ZCCHC24: variants seen among roughly 807,000 people sequenced by gnomAD.
ZCCHC24 encodes zinc finger CCHC-type containing 24.
A neutral mutation model predicts 26.2 loss-of-function variants in ZCCHC24; 10 were observed. The ratio of observed to expected loss-of-function variants is 0.38; its 90% CI spans 0.24 to 0.65. The LOEUF (loss-of-function observed/expected upper bound fraction) is 0.65. Ranked by LOEUF, ZCCHC24 falls within the 30% of genes least tolerant of loss-of-function variation. The pLI is 0.54. For missense variants in ZCCHC24, 243 were observed against 329.1 expected, an observed-to-expected ratio of 0.74 and a Z score of 2.03; for synonymous variants, 144 against 147.1, an observed-to-expected ratio of 0.98 and a Z score of 0.15.
At chr10:79,398,842 A>T (rs1856589110) in intron 2 of ZCCHC24, among the ~76,000 whole-genome samples, 1 of 152,032 alleles carries the variant, frequency 6.6e-6, no homozygotes, top group Non-Finnish European at 1.5e-5. Context: ...GGGGCAGGGG[A>T]CATTATCAAC....
intron 3 of ZCCHC24, 31 bp from the exon 4 acceptor site, chr10:79,386,489 G>A (rs1480030050): frequency 2.0e-6 from 3 of 1,532,498 alleles, no homozygotes; most frequent in Admixed American, 3.7e-5. Context: ...GGGCCCAGGG[G>A]AGTGAGGGGA....
intron 2 of ZCCHC24, among the ~76,000 whole-genome samples, chr10:79,425,256 C>T (rs1857010663): frequency 6.6e-6 from 1 of 152,216 alleles, no homozygotes; most frequent in South Asian, 2.1e-4. Context: ...GCAGGCCCAG[C>T]AGATATCAAC....
chr10:79,415,163 T>C (rs1020514072), intron 2 of ZCCHC24, among the ~76,000 whole-genome samples: 10 of 152,298 alleles, frequency 6.6e-5, no homozygotes, highest in African/African-American at 1.2e-4. Flanking sequence ...CGTCCTCCCA[T>C]TGACATGCTC....
chr10:79,423,752 T>C (rs1273205588), intron 2 of ZCCHC24, among the ~76,000 whole-genome samples: 1 of 150,790 alleles, frequency 6.6e-6, no homozygotes, highest in East Asian at 2.0e-4. Flanking sequence ...GTGCAGTTGC[T>C]CCCGCCTATA....
chr10:79,445,465 C>A lies in ZCCHC24; in HGVS notation c.-25G>T. On this transcript the variant is annotated 5_prime_UTR_variant, in exon 1 of 4. Transcript: ENST00000372336. Reference sequence around the variant, plus strand: ...TTTTGTGGCGGCGGTGCCGGCCCCTCCCCGGCCGCCCGCTCGCGGCCCCCC... The same window carrying A: ...TTTTGTGGCGGCGGTGCCGGCCCCTACCCGGCCGCCCGCTCGCGGCCCCCC... 1.5e-6 allele frequency: 2 copies of A among 1,360,422 alleles called. No homozygotes were observed. The highest frequency in any genetic ancestry group is 1.9e-6 in the Non-Finnish European group (2 of 1,048,384). The allele number at this position is 1,360,422 out of a possible 1,614,324, so 84.3% of individuals were successfully genotyped here.
intron 1 of ZCCHC24, among the ~76,000 whole-genome samples, chr10:79,440,249 C>T (rs957701806): frequency 1.3e-5 from 2 of 152,322 alleles, no homozygotes; most frequent in African/African-American, 2.4e-5. Flanking sequence ...GGATGCTGCA[C>T]ACAGACTAGG....
At chr10:79,416,326 C>T (rs1856859142) in intron 2 of ZCCHC24, among the ~76,000 whole-genome samples, 1 of 152,212 alleles carries the variant, frequency 6.6e-6, no homozygotes, top group Non-Finnish European at 1.5e-5. Context: ...AAACTCCTCA[C>T]CTATGGCTGG....
chr10:79,397,393 G>C (rs916903810), intron 2 of ZCCHC24, among the ~76,000 whole-genome samples: 31 of 152,176 alleles, frequency 2.0e-4, no homozygotes, highest in African/African-American at 7.0e-4. Context: ...AGGGGTCAAC[G>C]TGTGCCTCTG....
At chr10:79,388,076 G>A (rs1856425440) in intron 3 of ZCCHC24, among the ~76,000 whole-genome samples, 1 of 152,186 alleles carries the variant, frequency 6.6e-6, no homozygotes, top group Non-Finnish European at 1.5e-5. Context: ...TGCCGGCTCT[G>A]CTACCTAAGA....
chr10:79,394,660 A>G (rs1023305483), intron 2 of ZCCHC24: 3 of 983,818 alleles, frequency 3.0e-6, no homozygotes, highest in Admixed American at 1.2e-4. Context: ...GAGATGGTGA[A>G]AAAACAGAGG....
At chr10:79,431,217 G>A (rs1311986898) in intron 2 of ZCCHC24, among the ~76,000 whole-genome samples, 1 of 152,198 alleles carries the variant, frequency 6.6e-6, no homozygotes, top group Non-Finnish European at 1.5e-5. Flanking sequence ...GCTATGGACT[G>A]CACAGGCCAT....
At chr10:79,393,676 A>G (rs1856506542) in intron 3 of ZCCHC24, among the ~76,000 whole-genome samples, 1 of 152,106 alleles carries the variant, frequency 6.6e-6, no homozygotes, top group Non-Finnish European at 1.5e-5. Flanking sequence ...CTCTACCCCA[A>G]GCCTCTTGCT....
Position 79,390,579 on chromosome 10 carries a change from G to A in ZCCHC24, c.612+3697C>T, listed in dbSNP as rs578125685. The stretch of plus-strand genomic sequence containing the variant: ...TGGTGGGAGTTCCCTCTGTGGGCAC[G>A]GGCTCTGGCTCGACTGCTCAGCCCT... On this transcript the variant is annotated intron_variant, in intron 3 of 3. Coordinates refer to ENST00000372336, the MANE Select transcript of ZCCHC24 (RefSeq NM_153367.4). Among the ~76,000 whole-genome samples, 346 of 152,352 alleles carry A rather than the reference G, an allele frequency of 2.3e-3. 2 individuals are homozygous for A. Among genetic ancestry groups the A allele is most frequent in the African/African-American group, 3.8e-3 (156 of 41,582 alleles).
chr10:79,396,759 T>C (rs1856552512), intron 2 of ZCCHC24, among the ~76,000 whole-genome samples: 1 of 152,242 alleles, frequency 6.6e-6, no homozygotes, highest in Admixed American at 6.5e-5. Flanking sequence ...CCATAGTAAC[T>C]TTCCTTGGGG....
At chr10:79,390,633 G>C (rs534162881) in intron 3 of ZCCHC24, among the ~76,000 whole-genome samples, 1 of 152,340 alleles carries the variant, frequency 6.6e-6, no homozygotes, top group East Asian at 1.9e-4. Flanking sequence ...CGAGGAGCCT[G>C]GGGAAGCTGT....
chr10:79,444,359 C>T, intron 1 of ZCCHC24: 1 of 1,201,210 alleles, frequency 8.3e-7, no homozygotes, highest in Non-Finnish European at 1.1e-6. Context: ...ATTTATCTTG[C>T]TGGCAAAGAG....
At chr10:79,403,447 G>A in intron 2 of ZCCHC24, 4 of 985,470 alleles carry the variant, frequency 4.1e-6, no homozygotes, top group Non-Finnish European at 4.8e-6. Flanking sequence ...GGCCGGGGGA[G>A]GCAGGTGGAA....
intron 2 of ZCCHC24, among the ~76,000 whole-genome samples, chr10:79,411,183 C>T (rs1856786257): frequency 6.6e-6 from 1 of 152,166 alleles, no homozygotes; most frequent in Non-Finnish European, 1.5e-5. Context: ...GTCATGTGAG[C>T]CTGCTCAAGG....
chr10:79,396,873 A>G (rs982034274), intron 2 of ZCCHC24, among the ~76,000 whole-genome samples: 1 of 152,256 alleles, frequency 6.6e-6, no homozygotes, highest in Non-Finnish European at 1.5e-5. Flanking sequence ...GGATAAGGAT[A>G]GTAACTACCA....
Sources: allele counts gnomAD v4.1 joint callset (sites outside exome capture counted in the v4.1 genomes callset), GRCh38; gene constraint gnomAD v4.1.1; transcripts MANE v1.5; gene names NCBI Gene and HGNC (gene_info 2026-07-23, HGNC 2026-07-21).